CSNK2A2IP: variants seen among roughly 807,000 people sequenced by gnomAD.
CSNK2A2IP encodes casein kinase 2 subunit alpha' interacting protein.
the CSNK2A2IP span, among the ~76,000 whole-genome samples, chr3:88,379,433 G>T: frequency 6.6e-6 from 1 of 152,072 alleles, no homozygotes; most frequent in Non-Finnish European, 1.5e-5. Flanking sequence ...TGTTTTAGAG[G>T]AGGTCACTTT....
the CSNK2A2IP span, among the ~76,000 whole-genome samples, chr3:88,454,488 T>C: frequency 2.6e-5 from 4 of 151,948 alleles, no homozygotes; most frequent in African/African-American, 9.7e-5. Context: ...TAAAAATCTA[T>C]GCTCAACCCC....
At chr3:88,354,663 G>C in the CSNK2A2IP span, among the ~76,000 whole-genome samples, 9 of 152,140 alleles carry the variant, frequency 5.9e-5, no homozygotes. Context: ...GATGGTAGTA[G>C]AGAAGTATTA....
At chr3:88,357,723 C>A in the CSNK2A2IP span, among the ~76,000 whole-genome samples, 1 of 149,752 alleles carries the variant, frequency 6.7e-6, no homozygotes, top group Non-Finnish European at 1.5e-5. Context: ...CATAAAATAT[C>A]TTTTATGTTT....
At chr3:88,350,000 A>T in the CSNK2A2IP span, among the ~76,000 whole-genome samples, 1 of 152,112 alleles carries the variant, frequency 6.6e-6, no homozygotes, top group Non-Finnish European at 1.5e-5. Flanking sequence ...GGTCTTCAGG[A>T]TCATCCATAA....
chr3:88,347,389 A>G, the CSNK2A2IP span, among the ~76,000 whole-genome samples: 3 of 152,024 alleles, frequency 2.0e-5, no homozygotes, highest in African/African-American at 4.8e-5. Context: ...CATGAAATCA[A>G]TGCAACAAAC....
chr3:88,373,821 T>C, the CSNK2A2IP span, among the ~76,000 whole-genome samples: 8 of 151,426 alleles, frequency 5.3e-5, no homozygotes, highest in African/African-American at 1.9e-4. Context: ...AATAAACAGA[T>C]TCGAAAGATT....
the CSNK2A2IP span, among the ~76,000 whole-genome samples, chr3:88,441,785 T>C: frequency 3.9e-5 from 6 of 152,148 alleles, no homozygotes; most frequent in Non-Finnish European, 8.8e-5. Flanking sequence ...ACATGCACCT[T>C]ATATTTTTAT....
chr3:88,437,184 T>C, the CSNK2A2IP span, among the ~76,000 whole-genome samples: 1 of 152,204 alleles, frequency 6.6e-6, no homozygotes, highest in Non-Finnish European at 1.5e-5. Flanking sequence ...CACACTTATG[T>C]ACATTTTCAT....
the CSNK2A2IP span, among the ~76,000 whole-genome samples, chr3:88,427,261 T>G: frequency 6.6e-6 from 1 of 152,220 alleles, no homozygotes. Flanking sequence ...AAATTTGAAC[T>G]CAAGAGAGAT....
At chr3:88,414,497 G>A in the CSNK2A2IP span, among the ~76,000 whole-genome samples, 3 of 151,610 alleles carry the variant, frequency 2.0e-5, no homozygotes, top group African/African-American at 7.3e-5. Context: ...TGGCCAGGCT[G>A]CTCTCGATCT....
chr3:88,466,619 T>C, the CSNK2A2IP span: 1 of 1,231,280 alleles, frequency 8.1e-7, no homozygotes, highest in Non-Finnish European at 1.0e-6. Context: ...CAGCCCTGCA[T>C]TGTTAAAGGT....
chr3:88,424,843 C>A, the CSNK2A2IP span, among the ~76,000 whole-genome samples: 1 of 151,428 alleles, frequency 6.6e-6, no homozygotes, highest in Non-Finnish European at 1.5e-5. Flanking sequence ...AATCTTGTGA[C>A]ATAAACCTAA....
the CSNK2A2IP span, among the ~76,000 whole-genome samples, chr3:88,426,676 C>A: frequency 6.6e-6 from 1 of 152,058 alleles, no homozygotes; most frequent in African/African-American, 2.4e-5. Flanking sequence ...GGACTTTCCC[C>A]CCTTTTGCTC....
chr3:88,404,794 CT>C, the CSNK2A2IP span, among the ~76,000 whole-genome samples: 1 of 122,876 alleles, frequency 8.1e-6, no homozygotes, highest in Non-Finnish European at 1.9e-5. Context: ...TCATTTATTC[CT>C]TTAGATTGAA....
At chr3:88,428,528 G>A in the CSNK2A2IP span, among the ~76,000 whole-genome samples, 1 of 152,156 alleles carries the variant, frequency 6.6e-6, no homozygotes, top group Non-Finnish European at 1.5e-5. Flanking sequence ...ATCCCCACAT[G>A]TTGCGGGAGG....
chr3:88,387,240 C>A, the CSNK2A2IP span, among the ~76,000 whole-genome samples: 2 of 149,614 alleles, frequency 1.3e-5, no homozygotes, highest in Admixed American at 1.3e-4. Context: ...TGGCTCATTG[C>A]AGCCTCCGCC....
At chr3:88,464,740 TTTTG>T in the CSNK2A2IP span, among the ~76,000 whole-genome samples, 5 of 152,200 alleles carry the variant, frequency 3.3e-5, no homozygotes, top group Admixed American at 2.0e-4. Flanking sequence ...TATCACAGAT[TTTTG>T]TTTGTTTGTT....
chr3:88,409,005 G>A, the CSNK2A2IP span, among the ~76,000 whole-genome samples: 4 of 151,980 alleles, frequency 2.6e-5, no homozygotes, highest in Non-Finnish European at 4.4e-5. Flanking sequence ...TTGCTATTAC[G>A]TGGCTGCAAG....
the CSNK2A2IP span, among the ~76,000 whole-genome samples, chr3:88,361,029 G>C: frequency 6.6e-6 from 1 of 151,906 alleles, no homozygotes; most frequent in East Asian, 1.9e-4. Flanking sequence ...TTGATATTTT[G>C]TTGTCCTTAT....
Sources: allele counts gnomAD v4.1 joint callset (sites outside exome capture counted in the v4.1 genomes callset), GRCh38; gene constraint gnomAD v4.1.1; transcripts MANE v1.5; gene names NCBI Gene and HGNC (gene_info 2026-07-23, HGNC 2026-07-21).